RSRC1: variants seen among roughly 807,000 people sequenced by gnomAD.
RSRC1 encodes serine/Arginine-related protein 53.
RSRC1 carries 39 observed loss-of-function variants against 49.1 expected under a neutral mutation model. The observed-to-expected ratio is 0.79, with a 90% CI of 0.61 to 1.04. The LOEUF (loss-of-function observed/expected upper bound fraction) is 1.04, where lower values mean the gene tolerates loss of function less well. Among genes scored for constraint, RSRC1 ranks in the 50% least tolerant of loss-of-function variants. The pLI is 0.00. For missense variants in RSRC1, 388 were observed against 402.4 expected (o/e 0.96, Z 0.31); for synonymous variants, 143 against 130.8 (o/e 1.09, Z -0.63).
At chr3:158,243,104 T>A (rs1441500147) in intron 4 of RSRC1, among the ~76,000 whole-genome samples, 1 of 152,220 alleles carries the variant, frequency 6.6e-6, no homozygotes, top group Non-Finnish European at 1.5e-5. Context: ...TTTGGTGTCT[T>A]TGTCATGAAA....
chr3:158,475,585 T>A (rs1220394774), intron 7 of RSRC1, among the ~76,000 whole-genome samples: 1 of 152,152 alleles, frequency 6.6e-6, no homozygotes, highest in Non-Finnish European at 1.5e-5. Context: ...TATCTGTCAT[T>A]GTGATGACTG....
At chr3:158,236,659 T>C (rs988005849) in intron 4 of RSRC1, among the ~76,000 whole-genome samples, 3 of 152,244 alleles carry the variant, frequency 2.0e-5, no homozygotes, top group Admixed American at 6.5e-5. Flanking sequence ...ATTCCTTTTA[T>C]TGATGAGTAG....
In RSRC1 at chr3:158,425,223, A is replaced by G. The variant is rs541577186; in HGVS notation, c.584-35712A>G. On this transcript the variant is annotated intron_variant, in intron 6 of 9. Coordinates refer to ENST00000611884, the MANE Select transcript of RSRC1 (RefSeq NM_001271838.2). The stretch of plus-strand genomic sequence containing the variant: ...CTTTGTCTTGTGGGCATTTAGTGCT[A>G]TAAATTTCCCTCTACACACTGCTTT... Among the ~76,000 whole-genome samples, 60 of 152,244 alleles carry G rather than the reference A, an allele frequency of 3.9e-4. 1 individual carries two copies. In the South Asian group the frequency reaches 0.012, roughly 29 times the overall value.
At position 158,228,865 on chromosome 3, in the gene RSRC1, A is replaced by ATGTATATAAACATACGTGTATATG. The variant is rs1722681721; in HGVS notation, c.494+25632_494+25633insTACGTGTATATGTGTATATAAACA. 6.7e-5 allele frequency among the ~76,000 whole-genome samples: 4 copies of ATGTATATAAACATACGTGTATATG among 60,012 alleles called. 1 individual carries two copies. The highest frequency in any genetic ancestry group is 1.2e-4 in the Non-Finnish European group (4 of 32,784). 39.4% of individuals were successfully genotyped at this position (60,012 alleles called of 152,430 possible). On this transcript the variant is annotated intron_variant, in intron 4 of 9. Coordinates refer to ENST00000611884, the MANE Select transcript of RSRC1 (RefSeq NM_001271838.2). ...TATATAAACACACATACGTGTATAT[A>ATGTATATAAACATACGTGTATATG]TGTATATAAACACATACGTGTAATG... is the stretch of plus-strand genomic sequence containing the variant.
intron 7 of RSRC1, among the ~76,000 whole-genome samples, chr3:158,521,590 G>A (rs561739145): frequency 6.6e-6 from 1 of 152,016 alleles, no homozygotes; most frequent in African/African-American, 2.4e-5. Flanking sequence ...AAATTTAATG[G>A]GAAGACTTGC....
chr3:158,517,258 A>G (rs1198394447), intron 7 of RSRC1, among the ~76,000 whole-genome samples: 1 of 152,176 alleles, frequency 6.6e-6, no homozygotes, highest in Non-Finnish European at 1.5e-5. Context: ...GTACCTAACA[A>G]ATTATCTGTA....
chr3:158,233,507 A>G (rs1030017821), intron 4 of RSRC1, among the ~76,000 whole-genome samples: 4 of 152,186 alleles, frequency 2.6e-5, no homozygotes, highest in African/African-American at 4.8e-5. Context: ...GCACTTGTGT[A>G]GTATCAAAGT....
intron 7 of RSRC1, among the ~76,000 whole-genome samples, chr3:158,485,996 A>G (rs1738803826): frequency 6.6e-6 from 1 of 152,196 alleles, no homozygotes; most frequent in Non-Finnish European, 1.5e-5. Flanking sequence ...AGAAAAAATC[A>G]TAACGTTCAT....
intron 6 of RSRC1, among the ~76,000 whole-genome samples, chr3:158,400,636 A>G (rs1348500611): frequency 6.6e-6 from 1 of 152,132 alleles, no homozygotes; most frequent in Non-Finnish European, 1.5e-5. Flanking sequence ...GTTTTTAATA[A>G]AAAAGGTTAA....
intron 6 of RSRC1, among the ~76,000 whole-genome samples, chr3:158,423,839 T>C (rs967824700): frequency 5.3e-4 from 81 of 151,918 alleles, no homozygotes; most frequent in African/African-American, 1.8e-3. Flanking sequence ...TTTGAAGCAA[T>C]TGTGAATGGG....
intron 3 of RSRC1, among the ~76,000 whole-genome samples, chr3:158,125,458 A>G (rs950288512): frequency 6.6e-6 from 1 of 151,990 alleles, no homozygotes; most frequent in Non-Finnish European, 1.5e-5. Flanking sequence ...AATTTCTCTT[A>G]TGATTTCTTC....
intron 4 of RSRC1, among the ~76,000 whole-genome samples, chr3:158,223,118 A>G (rs1722316629): frequency 6.6e-6 from 1 of 151,634 alleles, no homozygotes; most frequent in Admixed American, 6.6e-5. Context: ...AGGTTTTCTG[A>G]ACAATGTTCA....
chr3:158,247,625 A>G (rs1442720792), intron 4 of RSRC1, among the ~76,000 whole-genome samples: 3 of 151,870 alleles, frequency 2.0e-5, no homozygotes, highest in Non-Finnish European at 4.4e-5. Flanking sequence ...TTTTCTTTTA[A>G]CAGTCTAGCC....
intron 3 of RSRC1, among the ~76,000 whole-genome samples, chr3:158,200,099 G>T (rs755071105): frequency 6.6e-6 from 1 of 151,910 alleles, no homozygotes; most frequent in Non-Finnish European, 1.5e-5. Context: ...GTGCAGTGGC[G>T]CTATCTTGGC....
At chr3:158,268,632 T>A (rs1307759820) in intron 4 of RSRC1, among the ~76,000 whole-genome samples, 1 of 152,182 alleles carries the variant, frequency 6.6e-6, no homozygotes, top group Non-Finnish European at 1.5e-5. Flanking sequence ...TTAGACTATT[T>A]GTGGCGGCTT....
intron 3 of RSRC1, among the ~76,000 whole-genome samples, chr3:158,158,230 G>A (rs1436870142): frequency 2.6e-5 from 4 of 152,038 alleles, no homozygotes; most frequent in Admixed American, 2.0e-4. Flanking sequence ...GAACAACATG[G>A]GTTTGAGCTA....
At chr3:158,376,683 G>A (rs1010539177) in intron 6 of RSRC1, among the ~76,000 whole-genome samples, 5 of 152,232 alleles carry the variant, frequency 3.3e-5, no homozygotes, top group South Asian at 4.1e-4. Context: ...ACTTTGTGTG[G>A]TGTCAAGTGT....
intron 6 of RSRC1, among the ~76,000 whole-genome samples, chr3:158,375,155 G>A (rs1000835799): frequency 2.5e-4 from 36 of 145,534 alleles, no homozygotes; most frequent in African/African-American, 8.7e-4. Context: ...ATTGGACTTA[G>A]CAAGTTATTA....
intron 4 of RSRC1, among the ~76,000 whole-genome samples, chr3:158,207,021 G>T (rs888323029): frequency 6.6e-6 from 1 of 152,094 alleles, no homozygotes; most frequent in Non-Finnish European, 1.5e-5. Flanking sequence ...GATGAAATAG[G>T]TGCTTTTATT....
Sources: allele counts gnomAD v4.1 joint callset (sites outside exome capture counted in the v4.1 genomes callset), GRCh38; gene constraint gnomAD v4.1.1; transcripts MANE v1.5; gene names NCBI Gene and HGNC (gene_info 2026-07-23, HGNC 2026-07-21).